The following SFMBT2 variants were observed in gnomAD, a reference collection of about 807,000 sequenced individuals.
SFMBT2 encodes Scm like with four mbt domains 2, also known as scm-like with four MBT domains protein 2.
A neutral mutation model predicts 110.1 loss-of-function variants in SFMBT2; 38 were observed. That is an observed-to-expected ratio of 0.35 (90% CI 0.27 to 0.45). SFMBT2 has a LOEUF of 0.45. SFMBT2 is among the 20% of genes least tolerant of loss of function. SFMBT2 has a pLI of 1.00. For synonymous variants in SFMBT2, 425 were observed against 425.4 expected (o/e 1.00, Z 0.01); for missense variants, 1,011 against 1,094.9 (o/e 0.92, Z 1.08).
chr10:7,169,113 C>A (rs555886675), intron 20 of SFMBT2, among the ~76,000 whole-genome samples: 1 of 152,262 alleles, frequency 6.6e-6, no homozygotes, highest in Admixed American at 6.5e-5. Context: ...CAGGCACCCA[C>A]CACCACGCCC....
chr10:7,235,422 CA>C (rs1169743681), intron 9 of SFMBT2, among the ~76,000 whole-genome samples: 1 of 152,036 alleles, frequency 6.6e-6, no homozygotes, highest in Non-Finnish European at 1.5e-5. Flanking sequence ...AACTTTAATG[CA>C]AAATGCCTTA....
rs1271812805 is a variant in SFMBT2 at position 7,390,772 on chromosome 10, T to A, written c.-51-8823A>T. ...ACACTACAGAACAGTAATCTGAGAC[T>A]GTAAAATTTAAATGCATCAAATCAA... On this transcript the variant is annotated intron_variant, in intron 1 of 20. Coordinates refer to ENST00000397167, the MANE Select transcript of SFMBT2 (RefSeq NM_001387889.1). 3.3e-5 allele frequency among the ~76,000 whole-genome samples: 5 copies of A among 152,368 alleles called. No homozygotes were observed. In the East Asian group the frequency reaches 9.6e-4, roughly 29 times the overall value.
chr10:7,187,949 C>G (rs1028732656), intron 16 of SFMBT2, among the ~76,000 whole-genome samples: 1 of 152,186 alleles, frequency 6.6e-6, no homozygotes, highest in Non-Finnish European at 1.5e-5. Context: ...GCACTCTAAA[C>G]AATTATTCAA....
intron 9 of SFMBT2, among the ~76,000 whole-genome samples, chr10:7,236,588 T>C (rs1158148111): frequency 2.0e-5 from 3 of 152,072 alleles, no homozygotes. Context: ...ATGAAAAACT[T>C]CAATTCAATT....
rs531546686 is a variant in SFMBT2, at chr10:7,276,806, A to G, written c.870+86T>C. On this transcript the variant is annotated intron_variant, in intron 7 of 20. Transcript: ENST00000397167. ...CTCTCAAAGTGCTGGGATTACAGGCATGAGCCACTGCGCCCGGCCGGAAAA... is the reference window on the plus strand; with the variant it reads ...CTCTCAAAGTGCTGGGATTACAGGCGTGAGCCACTGCGCCCGGCCGGAAAA... 9.0e-5 allele frequency: 68 copies of G among 753,614 alleles called. No homozygotes were observed. The African/African-American group carries it at 1.0e-3, about 11-fold the overall frequency. The allele number at this position is 753,614 out of a possible 1,614,324, so 46.7% of individuals were successfully genotyped here. A position where few individuals can be genotyped will look rare whatever the true frequency, so the allele number is the denominator to read the frequency against.
intron 7 of SFMBT2, among the ~76,000 whole-genome samples, chr10:7,272,580 C>T (rs2131812899): frequency 6.6e-6 from 1 of 152,290 alleles, no homozygotes; most frequent in African/African-American, 2.4e-5. Context: ...TCTGAACAGG[C>T]TGGGGCAGGA....
intron 1 of SFMBT2, among the ~76,000 whole-genome samples, chr10:7,391,775 T>C (rs997319177): frequency 1.3e-5 from 2 of 152,236 alleles, no homozygotes; most frequent in African/African-American, 2.4e-5. Context: ...TGATAGTTTC[T>C]CTGTGGATTT....
At chr10:7,375,472 T>A (rs1415728328) in intron 2 of SFMBT2, among the ~76,000 whole-genome samples, 1 of 151,990 alleles carries the variant, frequency 6.6e-6, no homozygotes, top group South Asian at 2.1e-4. Flanking sequence ...TTTTTTTTAA[T>A]GTGGAAAGAG....
At chr10:7,215,204 C>T (rs1839493544) in intron 11 of SFMBT2, among the ~76,000 whole-genome samples, 1 of 152,156 alleles carries the variant, frequency 6.6e-6, no homozygotes, top group Non-Finnish European at 1.5e-5. Context: ...AGTTTGAGAC[C>T]ACCCTGGGCA....
intron 17 of SFMBT2, 49 bp downstream of exon 17, chr10:7,175,941 G>C: frequency 6.4e-7 from 1 of 1,555,868 alleles, no homozygotes; most frequent in Non-Finnish European, 8.8e-7. Flanking sequence ...TTAGAGTGCA[G>C]TTTAGGTCTC....
At chr10:7,275,565 T>C (rs2131821602) in intron 7 of SFMBT2, among the ~76,000 whole-genome samples, 1 of 152,182 alleles carries the variant, frequency 6.6e-6, no homozygotes, top group Non-Finnish European at 1.5e-5. Context: ...ATAACAACAT[T>C]GGCCACCACA....
chr10:7,276,833 T>A, intron 7 of SFMBT2, 59 bp downstream of exon 7: 1 of 825,570 alleles, frequency 1.2e-6, no homozygotes, highest in South Asian at 1.3e-5. Context: ...GCCGGAAAAC[T>A]TTGTAGATGA....
chr10:7,342,396 C>CTTTGTTTTTTTTTTT (rs1843939794), intron 4 of SFMBT2, among the ~76,000 whole-genome samples: 1 of 69,628 alleles, frequency 1.4e-5, no homozygotes, highest in Non-Finnish European at 2.8e-5. Flanking sequence ...TGGAGTGAGT[C>CTTTGTTTTTTTTTTT]TTTTTTTTTT....
intron 6 of SFMBT2, among the ~76,000 whole-genome samples, chr10:7,280,737 T>C (rs1841928802): frequency 6.6e-6 from 1 of 152,114 alleles, no homozygotes; most frequent in East Asian, 1.9e-4. Context: ...GTGGTTTCTT[T>C]CCCCTCCTCC....
chr10:7,228,781 T>TCTCTCTCTCTCTCTCTCC (rs1466235599), intron 9 of SFMBT2, among the ~76,000 whole-genome samples: 1 of 110,396 alleles, frequency 9.1e-6, no homozygotes, highest in African/African-American at 3.1e-5. Context: ...TCTCTCTCTC[T>TCTCTCTCTCTCTCTCTCC]CCCCCTCCCT....
At chr10:7,178,634 T>A (rs1838146931) in intron 16 of SFMBT2, among the ~76,000 whole-genome samples, 1 of 152,186 alleles carries the variant, frequency 6.6e-6, no homozygotes, top group Non-Finnish European at 1.5e-5. Context: ...TTGTCACTTG[T>A]TGCTCATCAC....
chr10:7,179,390 C>CG (rs1332645980), intron 16 of SFMBT2, among the ~76,000 whole-genome samples: 71 of 24,960 alleles, frequency 2.8e-3, no homozygotes, highest in African/African-American at 7.3e-3. Flanking sequence ...GTTGCATTTT[C>CG]GAAAAAAAAA....
chr10:7,202,393 A>G, intron 13 of SFMBT2, 87 bp downstream of exon 13: 1 of 1,550,306 alleles, frequency 6.5e-7, no homozygotes, highest in Non-Finnish European at 8.9e-7. Context: ...GATAACTCCA[A>G]TAAAAACAGC....
At chr10:7,236,735 G>A (rs1169720271) in intron 9 of SFMBT2, among the ~76,000 whole-genome samples, 2 of 151,930 alleles carry the variant, frequency 1.3e-5, no homozygotes, top group African/African-American at 4.8e-5. Context: ...AATTCTAAAG[G>A]TATATAAACA....
Sources: gnomAD v4.1 joint callset for allele counts (sites outside exome capture counted in the v4.1 genomes callset) on GRCh38, gnomAD v4.1.1 for gene constraint, MANE v1.5 for transcripts, NCBI Gene and HGNC (gene_info 2026-07-23, HGNC 2026-07-21) for gene names.